PARD3: variants seen among roughly 807,000 people sequenced by gnomAD.
PARD3 encodes the protein par-3 family cell polarity regulator, also known as partitioning defective 3 homolog.
In PARD3, 75 loss-of-function variants were observed where a neutral mutation model predicts 155.4. That is an observed-to-expected ratio of 0.48 (90% confidence interval 0.40 to 0.58). The LOEUF is 0.58. Among genes scored for constraint, PARD3 ranks in the 20% least tolerant of loss-of-function variants. The pLI is 0.00. For synonymous variants in PARD3, 576 were observed against 610.5 expected (o/e 0.94, Z 0.83); for missense variants, 1,642 against 1,721.7 (o/e 0.95, Z 0.82).
chr10:34,623,173 A>C (rs969310772), intron 2 of PARD3, among the ~76,000 whole-genome samples: 1 of 152,222 alleles, frequency 6.6e-6, no homozygotes, highest in East Asian at 1.9e-4. Context: ...TCGACAGTCG[A>C]AAGTGAAAAA....
chr10:34,382,707 G>A lies in PARD3; in HGVS notation c.1232C>T (p.Pro411Leu), dbSNP rs200769037. The change falls in exon 9 of 25, where the codon CCG becomes CTG. Residue 411 changes from proline (P) to leucine (L), a missense_variant. Transcript: ENST00000374788. The part of the protein sequence containing the change: ...TVQRAPRLNH[P>L]PEQIDSHSRL... The stretch of plus-strand genomic sequence containing the variant: ...TGAGTGAGAGTCTATCTGCTCAGGC[G>A]GGTGGTTCAGTCGGGGTGCTCTCTG... 94 of 1,614,162 alleles carry A rather than the reference G, an allele frequency of 5.8e-5. No homozygotes were observed. In the East Asian group the frequency reaches 7.6e-4, roughly 13 times the overall value.
At chr10:34,577,567 T>A (rs2086996624) in intron 2 of PARD3, among the ~76,000 whole-genome samples, 1 of 152,238 alleles carries the variant, frequency 6.6e-6, no homozygotes, top group Admixed American at 6.5e-5. Flanking sequence ...TGAGAATCGA[T>A]AATGTGTCTC....
chr10:34,188,652 A>T (rs1000321020), intron 22 of PARD3, among the ~76,000 whole-genome samples: 24 of 152,178 alleles, frequency 1.6e-4, no homozygotes, highest in African/African-American at 5.5e-4. Context: ...AGTTTCACAC[A>T]CTTGAATGTG....
chr10:34,782,989 T>C (rs1202289090), intron 1 of PARD3, among the ~76,000 whole-genome samples: 2 of 152,172 alleles, frequency 1.3e-5, no homozygotes, highest in African/African-American at 2.4e-5. Flanking sequence ...CCTCTCAAAG[T>C]GCTAGGATTA....
At chr10:34,236,436 G>C (rs1455527701) in intron 22 of PARD3, among the ~76,000 whole-genome samples, 1 of 152,108 alleles carries the variant, frequency 6.6e-6, no homozygotes, top group Non-Finnish European at 1.5e-5. Context: ...TAACACATTT[G>C]TGTCAATACA....
chr10:34,703,917 A>C (rs2094323304), intron 1 of PARD3, among the ~76,000 whole-genome samples: 1 of 152,246 alleles, frequency 6.6e-6, no homozygotes. Flanking sequence ...GACCTTTTTT[A>C]GAAATGCAAC....
At chr10:34,811,444 G>A (rs1844167056) in intron 1 of PARD3, among the ~76,000 whole-genome samples, 1 of 152,112 alleles carries the variant, frequency 6.6e-6, no homozygotes, top group Non-Finnish European at 1.5e-5. Flanking sequence ...ATCTGCCCCT[G>A]CAGGCAGGTG....
At chr10:34,510,501 G>C (rs981758190) in intron 3 of PARD3, among the ~76,000 whole-genome samples, 2 of 152,056 alleles carry the variant, frequency 1.3e-5, no homozygotes, top group African/African-American at 4.8e-5. Context: ...TAATCACACA[G>C]TACTATATTT....
chr10:34,618,910 T>G (rs2091440950), intron 2 of PARD3, among the ~76,000 whole-genome samples: 1 of 152,168 alleles, frequency 6.6e-6, no homozygotes, highest in Admixed American at 6.5e-5. Context: ...CTTTCTGGTT[T>G]CACTTGGTGC....
intron 4 of PARD3, among the ~76,000 whole-genome samples, chr10:34,461,302 G>A (rs952596702): frequency 2.0e-5 from 3 of 152,112 alleles, no homozygotes; most frequent in Non-Finnish European, 4.4e-5. Flanking sequence ...ATTAAAAATA[G>A]AAACTAGCTT....
intron 14 of PARD3, among the ~76,000 whole-genome samples, chr10:34,351,108 T>C (rs751831651): frequency 3.4e-4 from 52 of 152,286 alleles, no homozygotes; most frequent in Non-Finnish European, 5.6e-4. Context: ...CCAAATAGTG[T>C]CTTTCACCTA....
Position 34,522,108 on chromosome 10 carries a change from C to T in PARD3, c.223-4949G>A, listed in dbSNP as rs962428511. Among the ~76,000 whole-genome samples the T allele has an allele frequency of 2.0e-4, 30 of 152,102 alleles. 1 individual carries two copies. The highest frequency in any genetic ancestry group is 2.0e-3 in the Admixed American group (30 of 15,258). ...TTGCAGACAGGATGGAGGTTAAGAACCTTAAAATGGAAAGATTATCCTTCA... is the reference window on the plus strand; with the variant it reads ...TTGCAGACAGGATGGAGGTTAAGAATCTTAAAATGGAAAGATTATCCTTCA... On this transcript the variant is annotated intron_variant, in intron 2 of 24. Coordinates refer to ENST00000374788, the MANE Select transcript of PARD3 (RefSeq NM_001184785.2).
intron 22 of PARD3, among the ~76,000 whole-genome samples, chr10:34,202,521 G>A (rs766392506): frequency 6.6e-6 from 1 of 152,142 alleles, no homozygotes. Flanking sequence ...CTGCATAAAC[G>A]ACACAGGCAT....
chr10:34,490,877 C>T (rs937256509), intron 3 of PARD3, among the ~76,000 whole-genome samples: 2 of 152,126 alleles, frequency 1.3e-5, no homozygotes, highest in African/African-American at 4.8e-5. Flanking sequence ...GTTCCAGGAT[C>T]CCCATCAGAA....
chr10:34,647,026 G>T (rs1398464247), intron 2 of PARD3, among the ~76,000 whole-genome samples: 2 of 152,150 alleles, frequency 1.3e-5, no homozygotes, highest in Non-Finnish European at 1.5e-5. Flanking sequence ...TTTTGGAAGT[G>T]TGAACATATT....
chr10:34,614,018 A>C (rs1277172382), intron 2 of PARD3, among the ~76,000 whole-genome samples: 2 of 152,208 alleles, frequency 1.3e-5, no homozygotes, highest in African/African-American at 2.4e-5. Flanking sequence ...TAAACAGGGA[A>C]ACATGAGAAC....
At chr10:34,671,579 A>C (rs1270909816) in intron 2 of PARD3, among the ~76,000 whole-genome samples, 2 of 152,240 alleles carry the variant, frequency 1.3e-5, no homozygotes, top group Non-Finnish European at 1.5e-5. Flanking sequence ...TAAAATCAAG[A>C]AAAATACCAA....
chr10:34,239,857 T>C (rs1031476147), intron 22 of PARD3, among the ~76,000 whole-genome samples: 5 of 152,130 alleles, frequency 3.3e-5, no homozygotes, highest in African/African-American at 1.2e-4. Context: ...TACCATCTTT[T>C]GATAATATTA....
intron 3 of PARD3, among the ~76,000 whole-genome samples, chr10:34,475,291 A>G (rs2078635690): frequency 6.6e-6 from 1 of 152,226 alleles, no homozygotes; most frequent in Non-Finnish European, 1.5e-5. Flanking sequence ...AAGAGCAGCA[A>G]TGTTTAACAT....
Sources: allele counts gnomAD v4.1 joint callset (sites outside exome capture counted in the v4.1 genomes callset), GRCh38; gene constraint gnomAD v4.1.1; transcripts MANE v1.5; gene names NCBI Gene and HGNC (gene_info 2026-07-23, HGNC 2026-07-21).